MCC: variants seen among roughly 807,000 people sequenced by gnomAD.
MCC encodes MCC regulator of Wnt signaling pathway, also known as colorectal mutant cancer protein.
MCC carries 90 observed loss-of-function variants against 116.2 expected under a neutral mutation model. The observed-to-expected ratio is 0.77, with a 90% confidence interval of 0.65 to 0.92. The LOEUF (loss-of-function observed/expected upper bound fraction) is 0.92. MCC is among the 40% of genes least tolerant of loss of function. The pLI, the probability that MCC is intolerant of heterozygous loss-of-function variation, is 0.00. For synonymous variants in MCC, 578 were observed against 510.5 expected (o/e 1.13, Z -1.78); for missense variants, 1,516 against 1,312.2 (o/e 1.16, Z -2.40).
intron 3 of MCC, among the ~76,000 whole-genome samples, chr5:113,218,022 G>C (rs1474934185): frequency 6.6e-6 from 1 of 150,750 alleles, no homozygotes; most frequent in Non-Finnish European, 1.5e-5. Context: ...ACTGTAAATA[G>C]TTTAGTTTAG....
At chr5:113,327,587 A>ATATATATATATATATATAT (rs1561525261) in intron 3 of MCC, among the ~76,000 whole-genome samples, 6 of 96,628 alleles carry the variant, frequency 6.2e-5, no homozygotes, top group African/African-American at 2.1e-4. Flanking sequence ...TATATATATA[A>ATATATATATATATATATAT]AAATCTCATC....
intron 3 of MCC, among the ~76,000 whole-genome samples, chr5:113,204,895 T>C (rs1433112340): frequency 2.0e-5 from 3 of 152,198 alleles, no homozygotes; most frequent in Non-Finnish European, 4.4e-5. Flanking sequence ...AATGCAAATA[T>C]GAATAGTACA....
intron 3 of MCC, among the ~76,000 whole-genome samples, chr5:113,326,097 A>C (rs1767544247): frequency 6.6e-6 from 1 of 152,236 alleles, no homozygotes; most frequent in Non-Finnish European, 1.5e-5. Flanking sequence ...CAGGTATGAA[A>C]AATGTGTTTG....
chr5:113,359,974 A>G (rs1267776672), intron 2 of MCC, among the ~76,000 whole-genome samples: 1 of 152,174 alleles, frequency 6.6e-6, no homozygotes, highest in Non-Finnish European at 1.5e-5. Flanking sequence ...ATATTAATGG[A>G]AGCCATGTAT....
intron 1 of MCC, among the ~76,000 whole-genome samples, chr5:113,465,941 A>C (rs1250927138): frequency 1.4e-5 from 2 of 144,006 alleles, no homozygotes; most frequent in Non-Finnish European, 3.1e-5. Flanking sequence ...ATTAACCCAC[A>C]TTTTTTTTTT....
At chr5:113,187,921 A>G (rs1761981622) in intron 3 of MCC, among the ~76,000 whole-genome samples, 1 of 152,282 alleles carries the variant, frequency 6.6e-6, no homozygotes, top group South Asian at 2.1e-4. Flanking sequence ...GTGCATGCTC[A>G]GAACAAATTG....
At chr5:113,321,000 A>G (rs926236617) in intron 3 of MCC, among the ~76,000 whole-genome samples, 1 of 152,238 alleles carries the variant, frequency 6.6e-6, no homozygotes, top group African/African-American at 2.4e-5. Context: ...CTAAAGGTAC[A>G]TTTTTATGTA....
intron 3 of MCC, among the ~76,000 whole-genome samples, chr5:113,239,666 T>C (rs1376051365): frequency 6.6e-6 from 1 of 152,216 alleles, no homozygotes; most frequent in East Asian, 1.9e-4. Context: ...TGCCCATTTG[T>C]GGCAAACACT....
chr5:113,116,876 C>A (rs1171159525), intron 6 of MCC, among the ~76,000 whole-genome samples: 1 of 152,208 alleles, frequency 6.6e-6, no homozygotes, highest in East Asian at 1.9e-4. Flanking sequence ...AATCAATGTT[C>A]AAACTGTTAA....
At chr5:113,299,488 G>A (rs1301925972) in intron 3 of MCC, among the ~76,000 whole-genome samples, 4 of 152,032 alleles carry the variant, frequency 2.6e-5, no homozygotes, top group African/African-American at 9.7e-5. Flanking sequence ...TATCAAGAAA[G>A]CTAAGATACT....
intron 3 of MCC, among the ~76,000 whole-genome samples, chr5:113,243,814 T>C (rs767026084): frequency 6.6e-6 from 1 of 152,220 alleles, no homozygotes; most frequent in Non-Finnish European, 1.5e-5. Context: ...GTTTGCCCAA[T>C]GCTCTAGCCA....
chr5:113,069,557 T>C (rs1402022136), intron 12 of MCC, among the ~76,000 whole-genome samples: 1 of 152,228 alleles, frequency 6.6e-6, no homozygotes, highest in East Asian at 1.9e-4. Context: ...AACAGACAAT[T>C]TCCTTTGATT....
At chr5:113,260,623 CT>C (rs1194590926) in intron 3 of MCC, among the ~76,000 whole-genome samples, 2 of 152,040 alleles carry the variant, frequency 1.3e-5, no homozygotes, top group Non-Finnish European at 2.9e-5. Flanking sequence ...TTTCTGTGCT[CT>C]GTTCCATTAA....
intron 6 of MCC, among the ~76,000 whole-genome samples, chr5:113,119,328 A>G (rs968236770): frequency 6.6e-6 from 1 of 152,176 alleles, no homozygotes; most frequent in African/African-American, 2.4e-5. Context: ...AAGGGAAGCA[A>G]GTGGCTGCCT....
chr5:113,294,911 G>A (rs1251265548), intron 3 of MCC: 1 of 985,534 alleles, frequency 1.0e-6, no homozygotes, highest in Non-Finnish European at 1.2e-6. Flanking sequence ...TCACGCCGAA[G>A]TTTCCCCTTC....
chr5:113,099,989 T>C (rs6882309), intron 8 of MCC, among the ~76,000 whole-genome samples: 33,823 of 152,100 alleles, frequency 0.22, 4,155 homozygotes, highest in African/African-American at 0.34. Flanking sequence ...ACAGGTGGCG[T>C]GGGCTTTAGT....
chr5:113,024,194 G>A lies in MCC; in HGVS notation c.*3108C>T, dbSNP rs907599672. 1 of 152,224 alleles carries A rather than the reference G, an allele frequency of 6.6e-6. No homozygotes were observed. The highest frequency in any genetic ancestry group is 1.5e-5 in the Non-Finnish European group (1 of 68,042). 9.4% of individuals were successfully genotyped at this position (152,224 alleles called of 1,614,324 possible). A position where few individuals can be genotyped will look rare whatever the true frequency, so the allele number is the denominator to read the frequency against. ...CAGAGAAGACTTAGTGCATGCATCT[G>A]AAAGGAGAATTAAGCAATTTTAAAA... is the stretch of plus-strand genomic sequence containing the variant. On this transcript the variant is annotated 3_prime_UTR_variant, in exon 19 of 19. Transcript: ENST00000408903.
chr5:113,229,124 G>A (rs901687120), intron 3 of MCC, among the ~76,000 whole-genome samples: 2 of 152,172 alleles, frequency 1.3e-5, no homozygotes, highest in African/African-American at 4.8e-5. Flanking sequence ...GGCACTGGGT[G>A]AGAAGAGGTG....
At chr5:113,107,584 A>G (rs1165455146) in intron 6 of MCC, among the ~76,000 whole-genome samples, 2 of 152,186 alleles carry the variant, frequency 1.3e-5, no homozygotes, top group Non-Finnish European at 2.9e-5. Context: ...GAGGAGAAGA[A>G]CAACTCAGAG....
Sources: allele counts gnomAD v4.1 joint callset (sites outside exome capture counted in the v4.1 genomes callset), GRCh38; gene constraint gnomAD v4.1.1; transcripts MANE v1.5; gene names NCBI Gene and HGNC (gene_info 2026-07-23, HGNC 2026-07-21).